Variants in PTPRB observed in about 807,000 individuals in gnomAD.
The protein encoded by PTPRB is protein tyrosine phosphatase receptor type B.
Under a neutral mutation model 238.1 loss-of-function variants are expected in PTPRB, and 97 were observed. That is an observed-to-expected ratio of 0.41 (90% CI 0.35 to 0.48). PTPRB has a LOEUF of 0.48. Ranked by LOEUF, PTPRB falls within the 20% of genes least tolerant of loss-of-function variation. PTPRB has a pLI of 0.30. For missense variants in PTPRB, 2,292 were observed against 2,681.9 expected, an observed-to-expected ratio of 0.85 and a Z score of 3.21; for synonymous variants, 970 against 995.4, an observed-to-expected ratio of 0.97 and a Z score of 0.48.
chr12:70,542,590 A>ATATAT (rs137923112), intron 22 of PTPRB: 1 of 101,470 alleles, frequency 9.9e-6, no homozygotes, highest in Non-Finnish European at 2.1e-5. Context: ...AAAAAAAAAA[A>ATATAT]TATATATATA....
intron 1 of PTPRB, 35 bp from the exon 2 acceptor site, chr12:70,636,101 C>A: frequency 1.3e-6 from 2 of 1,524,454 alleles, no homozygotes; most frequent in Non-Finnish European, 1.8e-6. Flanking sequence ...CACTATGTAG[C>A]AAATTATGAG....
At chr12:70,595,761 G>C (rs1161749862) in intron 5 of PTPRB, among the ~76,000 whole-genome samples, 1 of 152,146 alleles carries the variant, frequency 6.6e-6, no homozygotes, top group Non-Finnish European at 1.5e-5. Flanking sequence ...CTTTGGATTT[G>C]AGTTAGAAGG....
intron 4 of PTPRB, among the ~76,000 whole-genome samples, chr12:70,602,881 GT>G (rs1301994842): frequency 2.0e-5 from 3 of 152,136 alleles, no homozygotes; most frequent in Non-Finnish European, 2.9e-5. Context: ...CATATTATAT[GT>G]TTAGGGGTAT....
Position 70,521,048 on chromosome 12 carries a change from A to C in PTPRB, c.*441T>G, listed in dbSNP as rs1871602005. 6.5e-6 allele frequency: 1 copy of C among 154,456 alleles called. No homozygotes were observed. Among genetic ancestry groups the C allele is most frequent in the East Asian group, 1.9e-4 (1 of 5,258 alleles). 9.6% of individuals were successfully genotyped at this position (154,456 alleles called of 1,614,324 possible). A position where few individuals can be genotyped will look rare whatever the true frequency, so the allele number is the denominator to read the frequency against. ...GAGATTCATGGGACAGCAATGCAGC[A>C]AATCTAGCCATAGTATTTGCTCTCT... On this transcript the variant is annotated 3_prime_UTR_variant, in exon 34 of 34. Transcript: ENST00000334414.
intron 1 of PTPRB, 27 bp from the exon 2 acceptor site, chr12:70,636,093 C>A: frequency 6.4e-7 from 1 of 1,552,926 alleles, no homozygotes; most frequent in Non-Finnish European, 8.7e-7. Context: ...TCATAAAGCA[C>A]TATGTAGCAA....
Position 70,622,608 on chromosome 12 carries a change from T to C in PTPRB, c.490A>G (p.Asn164Asp), listed in dbSNP as rs1256157925. 3 of 1,584,078 alleles carry C rather than the reference T, an allele frequency of 1.9e-6. No individual in the cohort carries two copies. Among genetic ancestry groups the C allele is most frequent in the Admixed American group, 3.6e-5 (2 of 55,274 alleles). Residue 164 changes from asparagine (N) to aspartate (D), a missense_variant, in exon 3 of 34, where the codon AAC becomes GAC. Around this residue, in one of 4 missense-constraint regions of PTPRB, gnomAD observed 1,205 missense variants for 1,287.8 expected, o/e 0.94. Coordinates refer to ENST00000334414, the MANE Select transcript of PTPRB (RefSeq NM_001109754.4). ...GTGAGAATCTGGGGTGGAGCCGTGT[T>C]TCTAGTGCTCCTCACCGAAACTTCT... The part of the protein sequence containing the change: ...GAEVSVRSTR[N>D]TAPPQILTTF...
At chr12:70,553,184 A>T (rs147318849) in intron 20 of PTPRB, among the ~76,000 whole-genome samples, 164 bp from the exon 21 acceptor site, 127 of 152,270 alleles carry the variant, frequency 8.3e-4, no homozygotes, top group African/African-American at 3.0e-3. Context: ...TCTCCTAATA[A>T]AGTTAATTTT....
At chr12:70,533,528 A>C (rs976349450) in intron 31 of PTPRB, among the ~76,000 whole-genome samples, 7 of 152,234 alleles carry the variant, frequency 4.6e-5, no homozygotes, top group Non-Finnish European at 8.8e-5. Flanking sequence ...GACAGACTGA[A>C]GCAAAGAGAA....
At chr12:70,626,924 T>C (rs888830893) in intron 2 of PTPRB, among the ~76,000 whole-genome samples, 4 of 152,098 alleles carry the variant, frequency 2.6e-5, no homozygotes, top group Non-Finnish European at 4.4e-5. Flanking sequence ...CTAAAATACA[T>C]ATCTAAATTA....
chr12:70,616,585 T>C (rs1418648756), intron 3 of PTPRB, among the ~76,000 whole-genome samples: 1 of 152,192 alleles, frequency 6.6e-6, no homozygotes, highest in Non-Finnish European at 1.5e-5. Context: ...TCTTAGAATA[T>C]GTATCTTTCA....
intron 15 of PTPRB, 62 bp from the exon 16 acceptor site, chr12:70,563,169 T>C: frequency 6.8e-7 from 1 of 1,460,796 alleles, no homozygotes. Context: ...AGGGAGCAGG[T>C]GGGGAAGAGG....
Position 70,562,837 on chromosome 12 carries a change from G to C in PTPRB, c.4168+7C>G, listed in dbSNP as rs773511809. On this transcript the variant is annotated splice_region_variant and intron_variant, in intron 16 of 33. Transcript: ENST00000334414. ...ACGATTCATTACTGCTTGGGTCTTG[G>C]TCTTACCTGTTCTACCAAATATGAA... 1 of 1,613,372 alleles carries C rather than the reference G, an allele frequency of 6.2e-7. No homozygotes were observed. Among genetic ancestry groups the C allele is most frequent in the South Asian group, 1.1e-5 (1 of 91,030 alleles).
chr12:70,558,659 C>T (rs551307477), intron 18 of PTPRB: 10 of 154,116 alleles, frequency 6.5e-5, no homozygotes, highest in African/African-American at 2.4e-4. Flanking sequence ...CCCTCTGCTT[C>T]TAGTTTTGCC....
chr12:70,594,791 A>T, intron 5 of PTPRB, 67 bp from the exon 6 acceptor site: 1 of 1,546,562 alleles, frequency 6.5e-7, no homozygotes, highest in South Asian at 1.2e-5. Context: ...AGACACATTT[A>T]ATTAGAAGTC....
At chr12:70,571,588 T>C (rs915192976) in intron 12 of PTPRB, 3 of 601,442 alleles carry the variant, frequency 5.0e-6, no homozygotes, top group Admixed American at 6.8e-5. Flanking sequence ...TGCAGGAAGA[T>C]AGGGAAGAAA....
In PTPRB at chr12:70,531,306, A is replaced by ATTT. The variant is rs35411048; in HGVS notation, c.6504+726_6504+728dup. 6.4e-3 allele frequency among the ~76,000 whole-genome samples: 953 copies of ATTT among 149,116 alleles called. 10 individuals carry two copies. The highest frequency in any genetic ancestry group is 0.022 in the African/African-American group (896 of 40,746). ...GAACTTTTTACTTTTCCAACCATGG[A>ATTT]TTTTTTTTTTTAATACAGAGGATTT... On this transcript the variant is annotated intron_variant, in intron 32 of 33. Coordinates refer to ENST00000334414, the MANE Select transcript of PTPRB (RefSeq NM_001109754.4).
chr12:70,576,556 C>G lies in PTPRB; in HGVS notation c.2668G>C (p.Asp890His). Residue 890 changes from aspartate (D) to histidine (H), a missense_variant, in exon 11 of 34, where the codon GAT (aspartate) becomes CAT (histidine). Physicochemically the swap from Asp to His is moderately conservative, Grantham distance 81. Around this residue, in one of 4 missense-constraint regions of PTPRB, gnomAD observed 1,205 missense variants for 1,287.8 expected, o/e 0.94. Coordinates refer to ENST00000334414, the MANE Select transcript of PTPRB (RefSeq NM_001109754.4). ...TGAGACAATGTTACCTCATAGTTAT[C>G]CACATCTCCGGGCGCCAGCAGCCAG... ...VSWLLAPGDV[D>H]NYEVTLSHDG... The G allele has an allele frequency of 6.4e-7, 1 of 1,554,892 alleles. No individual in the cohort carries two copies. The highest frequency in any genetic ancestry group is 8.7e-7 in the Non-Finnish European group (1 of 1,148,608).
At chr12:70,633,826 C>A (rs1030263221) in intron 2 of PTPRB, among the ~76,000 whole-genome samples, 1 of 151,974 alleles carries the variant, frequency 6.6e-6, no homozygotes, top group African/African-American at 2.4e-5. Context: ...ACCACTGAGT[C>A]CATATCTACT....
intron 4 of PTPRB, among the ~76,000 whole-genome samples, chr12:70,596,823 G>A (rs1038696288): frequency 6.6e-6 from 1 of 152,022 alleles, no homozygotes; most frequent in African/African-American, 2.4e-5. Context: ...TTAGATATTA[G>A]ACAACCACAA....
Sources: gnomAD v4.1 joint callset for allele counts (sites outside exome capture counted in the v4.1 genomes callset) on GRCh38, gnomAD v4.1.1 for gene constraint, gnomAD v4.1.1 regional missense constraint, MANE v1.5 for transcripts, NCBI Gene and HGNC (gene_info 2026-07-23, HGNC 2026-07-21) for gene names.